Variants in SFPQ observed in about 807,000 individuals in gnomAD.
The protein encoded by SFPQ is splicing factor, proline- and glutamine-rich.
In SFPQ, 11 loss-of-function variants were observed where a neutral mutation model predicts 72.9. The ratio of observed to expected loss-of-function variants is 0.15; its 90% CI spans 0.09 to 0.25. The LOEUF (loss-of-function observed/expected upper bound fraction) is 0.25, where lower values mean the gene tolerates loss of function less well. Ranked by LOEUF, SFPQ falls within the 10% of genes least tolerant of loss-of-function variation. The pLI, the probability that SFPQ is intolerant of heterozygous loss-of-function variation, is 1.00. For synonymous variants in SFPQ, 506 were observed against 367.3 expected, an observed-to-expected ratio of 1.38 and a Z score of -4.32; for missense variants, 847 against 993.3, an observed-to-expected ratio of 0.85 and a Z score of 1.98.
chr1:35,178,830 T>G (rs1009132191), downstream of SFPQ: 17 of 1,051,278 alleles, frequency 1.6e-5, no homozygotes, highest in Non-Finnish European at 2.0e-5. Flanking sequence ...CGTTTTGCAT[T>G]CTTCCCCCCA....
intron 6 of SFPQ, among the ~76,000 whole-genome samples, chr1:35,188,395 A>G (rs1427123662): frequency 6.6e-6 from 1 of 152,254 alleles, no homozygotes; most frequent in Non-Finnish European, 1.5e-5. Context: ...TATAAATGTT[A>G]GTGCATAAGT....
At chr1:35,181,633 AAC>A (rs1639471466), downstream of SFPQ, 1 of 1,060,710 alleles carries the variant, frequency 9.4e-7, no homozygotes, top group Non-Finnish European at 1.1e-6. Context: ...AAGTATAAAA[AAC>A]AACCAGTGTT....
rs1424302196 is a variant in SFPQ at position 35,184,447 on chromosome 1, A to C, written c.*9T>G. On this transcript the variant is annotated 3_prime_UTR_variant, in exon 10 of 10. Coordinates refer to ENST00000357214, the MANE Select transcript of SFPQ (RefSeq NM_005066.3). ...AAAACAAACTGGAATGAAAGCCTAA[A>C]TATCACATCTAAAATCGGGGTTTTT... 1.3e-5 allele frequency: 21 copies of C among 1,604,510 alleles called. No homozygotes were observed. The highest frequency in any genetic ancestry group is 1.8e-5 in the Non-Finnish European group (21 of 1,177,094).
chr1:35,178,076 G>T (rs779761504), downstream of SFPQ: 3 of 1,252,274 alleles, frequency 2.4e-6, no homozygotes, highest in South Asian at 1.5e-5. Context: ...AAAGACAAGG[G>T]TATAAAATAA....
chr1:35,191,605 T>TC, intron 1 of SFPQ, 76 bp from the exon 2 acceptor site: 1 of 1,160,816 alleles, frequency 8.6e-7, no homozygotes, highest in Non-Finnish European at 1.2e-6. Flanking sequence ...TATTTGCTTA[T>TC]CTGAAACCTA....
rs1349683045 is a variant in SFPQ at position 35,187,269 on chromosome 1, C to T, written c.1816-18G>A. The T allele has an allele frequency of 2.5e-6, 4 of 1,613,256 alleles. No individual in the cohort carries two copies. In the South Asian group the frequency reaches 3.3e-5, roughly 13 times the overall value. On this transcript the variant is annotated intron_variant, in intron 7 of 9. Transcript: ENST00000357214. ...CTTTCCCGCTGCAAGAAAAAAATTC[C>T]TTTCAATATACCTGCACTATACCCA...
At chr1:35,186,569 G>A (rs1284634103) in intron 9 of SFPQ, among the ~76,000 whole-genome samples, 2 of 152,110 alleles carry the variant, frequency 1.3e-5, no homozygotes, top group Non-Finnish European at 2.9e-5. Flanking sequence ...TCACTAAAAC[G>A]TGCCTAAAGC....
Position 35,184,468 on chromosome 1 carries a change from T to C in SFPQ, c.2112A>G (p.Lys704=), listed in dbSNP as rs1639621037. 1.2e-6 allele frequency: 2 copies of C among 1,605,900 alleles called. No individual in the cohort carries two copies. The highest frequency in any genetic ancestry group is 1.7e-6 in the Non-Finnish European group (2 of 1,177,300). ...CTAAATATCACATCTAAAATCGGGG[T>C]TTTTTGTTTGGGCCTTCGTACTCTT... ...GREEYEGPNK[K]PRF is the part of the protein sequence containing the mutation. Residue 704 remains lysine (K), a synonymous_variant, in exon 10 of 10, where the codon AAA becomes AAG. Coordinates refer to ENST00000357214, the MANE Select transcript of SFPQ (RefSeq NM_005066.3).
rs998952451 is a variant in SFPQ, at chr1:35,188,224, C to T, written c.1698-134G>A. On this transcript the variant is annotated intron_variant, in intron 6 of 9. Coordinates refer to ENST00000357214, the MANE Select transcript of SFPQ (RefSeq NM_005066.3). Reference sequence around the variant, plus strand: ...CAAAGGCTTAGAGTGAGCCTAGGGGCATAGTACTAAAGACATTCTGGCAAA... The same window carrying T: ...CAAAGGCTTAGAGTGAGCCTAGGGGTATAGTACTAAAGACATTCTGGCAAA... The T allele has an allele frequency of 7.2e-6, 5 of 689,742 alleles. No homozygotes were observed. In the Admixed American group the frequency reaches 9.0e-5, roughly 12 times the overall value. The allele number at this position is 689,742 out of a possible 1,614,324, so 42.7% of individuals were successfully genotyped here.
intron 5 of SFPQ, among the ~76,000 whole-genome samples, chr1:35,176,633 G>T (rs1013325145): frequency 6.6e-6 from 1 of 152,054 alleles, no homozygotes; most frequent in Non-Finnish European, 1.5e-5. Flanking sequence ...ACTTTGGGAG[G>T]CCAAGGAGGG....
At chr1:35,182,284 T>C, downstream of SFPQ, 1 of 985,344 alleles carries the variant, frequency 1.0e-6, no homozygotes. Context: ...ATGGATTCCT[T>C]TCTAATCAAG....
downstream of SFPQ, chr1:35,178,085 A>T (rs541332084): frequency 8.8e-5 from 109 of 1,236,288 alleles, no homozygotes; most frequent in African/African-American, 1.6e-3. Context: ...GGTATAAAAT[A>T]AAGGTTTGAA....
chr1:35,187,331 G>A lies in SFPQ; in HGVS notation c.1816-80C>T, dbSNP rs1229689812. On this transcript the variant is annotated intron_variant, in intron 7 of 9. Transcript: ENST00000357214. ...CTTAAGAACTGAGAAATTTTCAAGA[G>A]TTAAATAAAAAACATGGTAAAGTTC... 3.9e-6 allele frequency: 5 copies of A among 1,289,048 alleles called. No individual in the cohort carries two copies. The South Asian group carries it at 5.0e-5, about 13-fold the overall frequency. 79.9% of individuals were successfully genotyped at this position (1,289,048 alleles called of 1,614,324 possible).
chr1:35,181,849 T>C (rs1375993340), downstream of SFPQ: 4 of 984,056 alleles, frequency 4.1e-6, no homozygotes, highest in Non-Finnish European at 4.8e-6. Flanking sequence ...GAAGACTTAT[T>C]GAAAGTCTAT....
intron 2 of SFPQ, 152 bp downstream of exon 2, chr1:35,191,189 T>TGGTA: frequency 1.2e-6 from 1 of 818,046 alleles, no homozygotes; most frequent in East Asian, 2.7e-5. Context: ...AATTATGCAT[T>TGGTA]ATACCGCAAG....
chr1:35,187,311 G>A (rs77260199), intron 7 of SFPQ, 60 bp from the exon 8 acceptor site: 3 of 1,449,784 alleles, frequency 2.1e-6, no homozygotes, highest in East Asian at 4.5e-5. Flanking sequence ...GCATTCTTAA[G>A]AACTGAGAAA....
At position 35,184,077 on chromosome 1, in the gene SFPQ, C is replaced by T; in HGVS notation, c.*379G>A. 9.1e-7 allele frequency: 1 copy of T among 1,096,224 alleles called. No individual in the cohort carries two copies. The highest frequency in any genetic ancestry group is 3.9e-4 in the Middle Eastern group (1 of 2,538). 67.9% of individuals were successfully genotyped at this position (1,096,224 alleles called of 1,614,324 possible). ...ATGCTTTCAATGTGGAATACGTAGC[C>T]TAATATGCATAGAAGCATGAATGGC... is the stretch of plus-strand genomic sequence containing the variant. On this transcript the variant is annotated 3_prime_UTR_variant, in exon 10 of 10. Transcript: ENST00000357214.
downstream of SFPQ, chr1:35,178,076 G>A (rs779761504): frequency 1.6e-6 from 2 of 1,252,274 alleles, no homozygotes; most frequent in Non-Finnish European, 2.0e-6. Flanking sequence ...AAAGACAAGG[G>A]TATAAAATAA....
At chr1:35,177,801 G>A in intron 4 of SFPQ, 1 of 185,102 alleles carries the variant, frequency 5.4e-6, no homozygotes, top group Non-Finnish European at 1.1e-5. Flanking sequence ...TCTATTGTTT[G>A]ACATTTTTAT....
Sources: allele counts gnomAD v4.1 joint callset (sites outside exome capture counted in the v4.1 genomes callset), GRCh38; gene constraint gnomAD v4.1.1; transcripts MANE v1.5; gene names NCBI Gene and HGNC (gene_info 2026-07-23, HGNC 2026-07-21).